The following BRINP3 variants were observed in gnomAD, a reference collection of about 807,000 sequenced individuals.
BRINP3 encodes BMP/retinoic acid inducible neural specific 3.
BRINP3 carries 19 observed loss-of-function variants against 71.0 expected under a neutral mutation model. The ratio of observed to expected loss-of-function variants is 0.27; its 90% CI spans 0.19 to 0.39. The LOEUF (loss-of-function observed/expected upper bound fraction) is 0.39. BRINP3 is among the 10% of genes least tolerant of loss of function. The probability of loss-of-function intolerance (pLI) is 1.00; values close to 1 mark genes in which losing one functional copy is unlikely to be tolerated. For synonymous variants in BRINP3, 380 were observed against 337.7 expected (o/e 1.13, Z -1.37); for missense variants, 959 against 940.8 (o/e 1.02, Z -0.25).
Position 190,186,684 on chromosome 1 carries a change from A to G in BRINP3, c.962-25794T>C, listed in dbSNP as rs189950392. Among the ~76,000 whole-genome samples, 405 of 152,292 alleles carry G rather than the reference A, an allele frequency of 2.7e-3. 2 individuals are homozygous for G. Among genetic ancestry groups the G allele is most frequent in the African/African-American group, 8.9e-3 (372 of 41,566 alleles). ...TTAATCTTTAGCACCTCACGTCTCAATAAATAAAATGGTTAATTAAACTCA... is the reference window on the plus strand; with the variant it reads ...TTAATCTTTAGCACCTCACGTCTCAGTAAATAAAATGGTTAATTAAACTCA... On this transcript the variant is annotated intron_variant, in intron 6 of 7. Coordinates refer to ENST00000367462, the MANE Select transcript of BRINP3 (RefSeq NM_199051.3).
intron 6 of BRINP3, among the ~76,000 whole-genome samples, chr1:190,213,739 A>C (rs1016541461): frequency 1.3e-5 from 2 of 151,988 alleles, no homozygotes; most frequent in Non-Finnish European, 2.9e-5. Flanking sequence ...TAAAACTCTA[A>C]TAAAATTGCA....
chr1:190,448,445 C>T (rs1299377734), intron 2 of BRINP3, among the ~76,000 whole-genome samples: 1 of 145,080 alleles, frequency 6.9e-6, no homozygotes, highest in Non-Finnish European at 1.5e-5. Flanking sequence ...TTTTTCTTAA[C>T]ACCCCTACAC....
chr1:190,345,239 T>G (rs1203115187), intron 2 of BRINP3, among the ~76,000 whole-genome samples: 1 of 151,700 alleles, frequency 6.6e-6, no homozygotes, highest in East Asian at 1.9e-4. Context: ...TCATAATCGT[T>G]CCAGAAAAGA....
intron 6 of BRINP3, among the ~76,000 whole-genome samples, chr1:190,197,120 T>C (rs1654554851): frequency 6.6e-6 from 1 of 151,666 alleles, no homozygotes; most frequent in South Asian, 2.1e-4. Flanking sequence ...GAAGCAAAGG[T>C]GCATTTTAAA....
intron 2 of BRINP3, among the ~76,000 whole-genome samples, chr1:190,443,787 A>G (rs1675002351): frequency 6.6e-6 from 1 of 152,202 alleles, no homozygotes; most frequent in African/African-American, 2.4e-5. Flanking sequence ...CTTGGAAACC[A>G]ACCAATCAGA....
At chr1:190,470,841 G>A (rs1220578572) in intron 1 of BRINP3, among the ~76,000 whole-genome samples, 1 of 150,888 alleles carries the variant, frequency 6.6e-6, no homozygotes. Context: ...TTCAATTTTT[G>A]GGAAAAGATA....
chr1:190,371,668 T>C (rs1309412803), intron 2 of BRINP3, among the ~76,000 whole-genome samples: 1 of 152,218 alleles, frequency 6.6e-6, no homozygotes, highest in African/African-American at 2.4e-5. Context: ...TATGGTTCCA[T>C]ATTAATTTTA....
chr1:190,240,805 G>A (rs1658997027), intron 4 of BRINP3, among the ~76,000 whole-genome samples: 1 of 142,728 alleles, frequency 7.0e-6, no homozygotes, highest in Non-Finnish European at 1.5e-5. Context: ...CTGGGAGGCG[G>A]AGATTGCAGT....
intron 2 of BRINP3, among the ~76,000 whole-genome samples, chr1:190,367,904 C>T (rs1247692234): frequency 6.6e-6 from 1 of 152,154 alleles, no homozygotes; most frequent in Non-Finnish European, 1.5e-5. Context: ...TTTCCCACAT[C>T]TTCCTGTCTT....
At chr1:190,376,584 A>C (rs1254804303) in intron 2 of BRINP3, among the ~76,000 whole-genome samples, 1 of 152,068 alleles carries the variant, frequency 6.6e-6, no homozygotes, top group Non-Finnish European at 1.5e-5. Context: ...ATTTATGAAG[A>C]AACAGAGAAT....
intron 2 of BRINP3, among the ~76,000 whole-genome samples, chr1:190,339,098 C>A (rs896373576): frequency 6.6e-6 from 1 of 151,820 alleles, no homozygotes; most frequent in Admixed American, 6.6e-5. Context: ...AGGCAGCACA[C>A]ACATAATATT....
At chr1:190,459,516 C>T (rs1030214883) in intron 1 of BRINP3, among the ~76,000 whole-genome samples, 7 of 151,798 alleles carry the variant, frequency 4.6e-5, no homozygotes, top group Admixed American at 2.0e-4. Context: ...ACAAAATATT[C>T]GGAATCACTG....
chr1:190,206,102 T>A (rs1188349456), intron 6 of BRINP3, among the ~76,000 whole-genome samples: 2 of 152,050 alleles, frequency 1.3e-5, no homozygotes, highest in Non-Finnish European at 2.9e-5. Flanking sequence ...TAAAAGACAC[T>A]TGCCAGTACA....
chr1:190,294,270 T>C (rs1411358953), intron 2 of BRINP3, among the ~76,000 whole-genome samples: 1 of 151,972 alleles, frequency 6.6e-6, no homozygotes, highest in African/African-American at 2.4e-5. Flanking sequence ...ACCTTTTTTT[T>C]TTTTTTGAGT....
At position 190,098,982 on chromosome 1, in the gene BRINP3, G is replaced by A. The variant is rs1390220936; in HGVS notation, c.1337C>T (p.Ala446Val). Residue 446 changes from alanine to valine, a missense_variant, in exon 8 of 8, where the codon GCC becomes GTC. Physicochemically the swap from Ala to Val is moderately conservative, Grantham distance 64 (BLOSUM62 0). Coordinates refer to ENST00000367462, the MANE Select transcript of BRINP3 (RefSeq NM_199051.3). ...TAFLPCTVGD[A>V]SACLTCAPDN... Reference sequence around the variant, plus strand: ...TGGTGCGCATGTCAGGCAGGCAGAGGCGTCTCCCACTGTGCAGGGCAGGAA... The same window carrying A: ...TGGTGCGCATGTCAGGCAGGCAGAGACGTCTCCCACTGTGCAGGGCAGGAA... 1 of 1,614,032 alleles carries A rather than the reference G, an allele frequency of 6.2e-7. No individual in the cohort carries two copies. Among genetic ancestry groups the A allele is most frequent in the Non-Finnish European group, 8.5e-7 (1 of 1,180,046 alleles).
intron 7 of BRINP3, among the ~76,000 whole-genome samples, chr1:190,158,669 A>G (rs1037548407): frequency 2.0e-5 from 3 of 152,208 alleles, no homozygotes; most frequent in African/African-American, 7.2e-5. Context: ...TTCTCAAATT[A>G]ATAACTTAAG....
At chr1:190,343,342 A>G (rs1018127202) in intron 2 of BRINP3, among the ~76,000 whole-genome samples, 2 of 151,834 alleles carry the variant, frequency 1.3e-5, no homozygotes, top group African/African-American at 4.8e-5. Context: ...CTACAGATGA[A>G]TAAATGCAGA....
chr1:190,256,735 T>G (rs571398325), intron 4 of BRINP3, among the ~76,000 whole-genome samples: 2 of 152,298 alleles, frequency 1.3e-5, no homozygotes, highest in African/African-American at 4.8e-5. Context: ...TATTTCTCCT[T>G]AAATTATGAA....
chr1:190,278,157 TAGTG>T (rs576498863), intron 3 of BRINP3, among the ~76,000 whole-genome samples: 2 of 151,752 alleles, frequency 1.3e-5, no homozygotes, highest in South Asian at 2.1e-4. Context: ...GTAAAACTGA[TAGTG>T]AGTATTTTAT....
Sources: allele counts gnomAD v4.1 joint callset (sites outside exome capture counted in the v4.1 genomes callset), GRCh38; gene constraint gnomAD v4.1.1; transcripts MANE v1.5; gene names NCBI Gene and HGNC (gene_info 2026-07-23, HGNC 2026-07-21).